The following TENM2 variants were observed in gnomAD, a reference collection of about 807,000 sequenced individuals.
The protein encoded by TENM2 is teneurin-2.
Under a neutral mutation model 245.2 loss-of-function variants are expected in TENM2, and 52 were observed. That is an observed-to-expected ratio of 0.21 (90% CI 0.17 to 0.27). The LOEUF is 0.27. Ranked by LOEUF, TENM2 falls within the 10% of genes least tolerant of loss-of-function variation. TENM2 has a pLI of 1.00. For synonymous variants in TENM2, 1,363 were observed against 1,438.9 expected, an observed-to-expected ratio of 0.95 and a Z score of 1.19; for missense variants, 3,046 against 3,666.8, an observed-to-expected ratio of 0.83 and a Z score of 4.37.
chr5:167,642,868 A>G (rs758143332), intron 2 of TENM2, among the ~76,000 whole-genome samples: 2 of 152,140 alleles, frequency 1.3e-5, no homozygotes, highest in Non-Finnish European at 2.9e-5. Context: ...AGTATGTGAG[A>G]AAGGGGAACA....
intron 1 of TENM2, among the ~76,000 whole-genome samples, chr5:167,305,653 C>T (rs958972224): frequency 6.6e-6 from 1 of 152,134 alleles, no homozygotes; most frequent in African/African-American, 2.4e-5. Flanking sequence ...ATTTGTTTTC[C>T]GTCCTTCACA....
At chr5:167,638,105 G>A (rs13170242) in intron 2 of TENM2, among the ~76,000 whole-genome samples, 2 of 98,898 alleles carry the variant, frequency 2.0e-5, no homozygotes, top group Admixed American at 8.8e-5. Context: ...GTGTGTGTGT[G>A]TGTGTGTGTG....
At chr5:167,589,623 A>C (rs145630621) in intron 2 of TENM2, among the ~76,000 whole-genome samples, 1 of 152,238 alleles carries the variant, frequency 6.6e-6, no homozygotes, top group African/African-American at 2.4e-5. Flanking sequence ...TTTAGAAAAA[A>C]AATTGAAGAG....
At chr5:167,518,088 A>G (rs1187529245) in intron 2 of TENM2, among the ~76,000 whole-genome samples, 1 of 151,796 alleles carries the variant, frequency 6.6e-6, no homozygotes, top group Non-Finnish European at 1.5e-5. Context: ...CACGAGGCTG[A>G]GGCAGGAGAT....
the TENM2 span, among the ~76,000 whole-genome samples, chr5:167,241,438 GAGT>G: frequency 6.6e-6 from 1 of 152,202 alleles, no homozygotes; most frequent in African/African-American, 2.4e-5. Flanking sequence ...GGATAAGCAA[GAGT>G]TCTCTGAAGA....
At chr5:168,032,420 T>A (rs1427870051) in intron 5 of TENM2, among the ~76,000 whole-genome samples, 1 of 152,116 alleles carries the variant, frequency 6.6e-6, no homozygotes, top group African/African-American at 2.4e-5. Flanking sequence ...CCAGGAAACA[T>A]CTGGGGTAGT....
intron 2 of TENM2, among the ~76,000 whole-genome samples, chr5:167,732,353 A>T (rs920216134): frequency 6.6e-6 from 1 of 152,202 alleles, no homozygotes; most frequent in African/African-American, 2.4e-5. Flanking sequence ...AATGTCCATT[A>T]TGTAAAACTT....
chr5:168,068,229 G>A (rs886498103), intron 7 of TENM2, among the ~76,000 whole-genome samples: 1 of 152,092 alleles, frequency 6.6e-6, no homozygotes, highest in Non-Finnish European at 1.5e-5. Context: ...AGGGCACCAT[G>A]GATGTTTTAC....
At chr5:167,310,636 CAAAAA>C (rs201602595) in intron 1 of TENM2, among the ~76,000 whole-genome samples, 1 of 151,262 alleles carries the variant, frequency 6.6e-6, no homozygotes, top group Non-Finnish European at 1.5e-5. Context: ...AAACAAAAAA[CAAAAA>C]AAACAACAAA....
chr5:167,601,360 A>G (rs1776621872), intron 2 of TENM2, among the ~76,000 whole-genome samples: 1 of 152,242 alleles, frequency 6.6e-6, no homozygotes, highest in African/African-American at 2.4e-5. Flanking sequence ...AATTTTCTTT[A>G]ATTTCAACTA....
In TENM2 at chr5:168,244,382, G is replaced by A. The variant is rs777152159; in HGVS notation, c.5521-38G>A. 6.8e-7 allele frequency: 1 copy of A among 1,460,086 alleles called. No individual in the cohort carries two copies. The allele number at this position is 1,460,086 out of a possible 1,614,324, so 90.4% of individuals were successfully genotyped here. A position where few individuals can be genotyped will look rare whatever the true frequency, so the allele number is the denominator to read the frequency against. ...CAGAAGCCTGAGCCGGCATGCCTGG[G>A]TGATGTCTTTCAAACAAGGCCTGTT... On this transcript the variant is annotated intron_variant, in intron 25 of 28. Coordinates refer to ENST00000518659, the Ensembl canonical transcript of TENM2. This position sits in a 1 kb window ranked among gnomAD's most constrained non-coding sequence, Gnocchi z 4.9.
At chr5:167,592,308 T>C (rs1775931393) in intron 2 of TENM2, among the ~76,000 whole-genome samples, 1 of 152,214 alleles carries the variant, frequency 6.6e-6, no homozygotes, top group African/African-American at 2.4e-5. Flanking sequence ...TCTGCTATTG[T>C]TACTGGAGCT....
intron 1 of TENM2, among the ~76,000 whole-genome samples, chr5:167,358,376 C>A (rs1288852153): frequency 6.6e-6 from 1 of 152,092 alleles, no homozygotes. Context: ...AACAGTTAAT[C>A]ACTCCCTCCT....
At chr5:167,176,578 TAG>T in the TENM2 span, among the ~76,000 whole-genome samples, 1 of 152,236 alleles carries the variant, frequency 6.6e-6, no homozygotes, top group Non-Finnish European at 1.5e-5. Context: ...CCAAGTAAAG[TAG>T]AAGTATCACA....
chr5:168,134,073 C>G (rs921834717), intron 12 of TENM2, among the ~76,000 whole-genome samples: 1 of 151,870 alleles, frequency 6.6e-6, no homozygotes, highest in Non-Finnish European at 1.5e-5. Flanking sequence ...GAGAATCCCT[C>G]GAACCCAGGA....
chr5:168,175,375 A>T (rs1015836730), intron 13 of TENM2, among the ~76,000 whole-genome samples: 8 of 152,208 alleles, frequency 5.3e-5, no homozygotes, highest in Non-Finnish European at 1.2e-4. Context: ...GGTCCCTGTT[A>T]TAATACATTT....
At chr5:167,854,985 C>T (rs919125075) in intron 2 of TENM2, among the ~76,000 whole-genome samples, 1 of 152,172 alleles carries the variant, frequency 6.6e-6, no homozygotes, top group Non-Finnish European at 1.5e-5. Flanking sequence ...AACACAATAA[C>T]AAAAGTGGCT....
intron 2 of TENM2, among the ~76,000 whole-genome samples, chr5:167,815,481 C>A (rs1766974596): frequency 6.6e-6 from 1 of 152,118 alleles, no homozygotes; most frequent in African/African-American, 2.4e-5. Flanking sequence ...GGGAGACTTA[C>A]ACAGCTAGGA....
intron 2 of TENM2, among the ~76,000 whole-genome samples, chr5:167,706,646 T>C (rs1200342841): frequency 2.6e-5 from 4 of 152,070 alleles, no homozygotes; most frequent in African/African-American, 9.7e-5. Flanking sequence ...GGTAATTCTG[T>C]TTTTAATTTT....
Sources: gnomAD v4.1 joint callset for allele counts (sites outside exome capture counted in the v4.1 genomes callset) on GRCh38, gnomAD v4.1.1 for gene constraint, Gnocchi (gnomAD v3.1) non-coding constraint, MANE v1.5 for transcripts, NCBI Gene and HGNC (gene_info 2026-07-23, HGNC 2026-07-21) for gene names.